The following LRP1B variants were observed in gnomAD, a reference collection of about 807,000 sequenced individuals.
The protein encoded by LRP1B is LDL receptor related protein 1B.
LRP1B carries 217 observed loss-of-function variants against 556.6 expected under a neutral mutation model. The ratio of observed to expected loss-of-function variants is 0.39; its 90% CI spans 0.35 to 0.44. LRP1B has a LOEUF of 0.44. Among genes scored for constraint, LRP1B ranks in the 20% least tolerant of loss-of-function variants. LRP1B has a pLI of 1.00. For missense variants in LRP1B, 5,053 were observed against 5,620.8 expected (o/e 0.90, Z 3.23); for synonymous variants, 2,047 against 1,865.8 (o/e 1.10, Z -2.50).
intron 20 of LRP1B, among the ~76,000 whole-genome samples, chr2:140,938,297 A>G (rs1695291098): frequency 6.6e-6 from 1 of 152,060 alleles, no homozygotes; most frequent in South Asian, 2.1e-4. Flanking sequence ...AACTATCACA[A>G]TGAAAAAGTC....
intron 32 of LRP1B, among the ~76,000 whole-genome samples, chr2:140,811,062 T>C (rs896558703): frequency 2.0e-5 from 3 of 152,102 alleles, no homozygotes; most frequent in African/African-American, 4.8e-5. Flanking sequence ...TTTTGTTTTT[T>C]GTTTTTTTAT....
In LRP1B at chr2:140,319,245, T is replaced by C. The variant is rs183941604; in HGVS notation, c.12640+2718A>G. Among the ~76,000 whole-genome samples, 39 of 152,192 alleles carry C rather than the reference T, an allele frequency of 2.6e-4. No homozygotes were observed. The East Asian group carries it at 4.8e-3, about 19-fold the overall frequency. ...AGAGGAAAGGAAAACCACCAAAAAC[T>C]GTCTGAAACTTGACTCTAAACAATA... On this transcript the variant is annotated intron_variant, in intron 82 of 90. Transcript: ENST00000389484.
At chr2:142,000,910 T>C (rs765205875) in intron 1 of LRP1B, among the ~76,000 whole-genome samples, 9 of 152,156 alleles carry the variant, frequency 5.9e-5, no homozygotes, top group Admixed American at 1.3e-4. Context: ...AAATCTCATG[T>C]TGAATTGTAG....
intron 2 of LRP1B, among the ~76,000 whole-genome samples, chr2:141,484,123 T>C (rs1683027097): frequency 6.6e-6 from 1 of 151,674 alleles, no homozygotes; most frequent in Non-Finnish European, 1.5e-5. Context: ...TTAATCCATC[T>C]TGAATTAATT....
intron 1 of LRP1B, among the ~76,000 whole-genome samples, chr2:142,114,482 G>A (rs1707113260): frequency 6.6e-6 from 1 of 152,056 alleles, no homozygotes; most frequent in African/African-American, 2.4e-5. Flanking sequence ...TTTTATTGCA[G>A]CACTATTCAT....
chr2:140,379,075 C>G (rs1683360965), intron 67 of LRP1B, among the ~76,000 whole-genome samples: 1 of 152,148 alleles, frequency 6.6e-6, no homozygotes, highest in Non-Finnish European at 1.5e-5. Flanking sequence ...TGCAAGTAAT[C>G]AATATGACTG....
At chr2:140,548,682 G>A (rs35100968) in intron 43 of LRP1B, among the ~76,000 whole-genome samples, 2 of 152,062 alleles carry the variant, frequency 1.3e-5, no homozygotes, top group Non-Finnish European at 2.9e-5. Flanking sequence ...AAGCATTTTA[G>A]GAGGCCAAGG....
chr2:140,618,198 G>T (rs1245944962), intron 41 of LRP1B, among the ~76,000 whole-genome samples: 2 of 151,570 alleles, frequency 1.3e-5, no homozygotes, highest in Non-Finnish European at 2.9e-5. Flanking sequence ...AACACACTTT[G>T]CTTAAAAAAT....
At chr2:140,504,627 A>C (rs751936629) in intron 53 of LRP1B, among the ~76,000 whole-genome samples, 2 of 152,216 alleles carry the variant, frequency 1.3e-5, no homozygotes, top group South Asian at 4.1e-4. Flanking sequence ...TCTTTATTAC[A>C]TCTCACATCT....
At chr2:141,363,440 T>C (rs1408635361) in intron 3 of LRP1B, among the ~76,000 whole-genome samples, 1 of 152,162 alleles carries the variant, frequency 6.6e-6, no homozygotes, top group Non-Finnish European at 1.5e-5. Context: ...AACATTCTGT[T>C]CCTGTGTTTT....
At chr2:141,875,765 C>T (rs765813755) in intron 1 of LRP1B, among the ~76,000 whole-genome samples, 5 of 151,818 alleles carry the variant, frequency 3.3e-5, no homozygotes, top group Non-Finnish European at 5.9e-5. Flanking sequence ...TTTCTAAAAA[C>T]TAAGATTGTG....
chr2:141,102,263 A>T (rs901450774), intron 7 of LRP1B, among the ~76,000 whole-genome samples: 2 of 152,116 alleles, frequency 1.3e-5, no homozygotes, highest in Non-Finnish European at 2.9e-5. Context: ...TATAATGATA[A>T]TCATGACCAT....
At chr2:142,060,514 T>G (rs192018284) in intron 1 of LRP1B, among the ~76,000 whole-genome samples, 36 of 152,182 alleles carry the variant, frequency 2.4e-4, no homozygotes, top group Non-Finnish European at 3.4e-4. Context: ...GTCAAAGATG[T>G]TTAAGACCTG....
chr2:141,237,244 A>G (rs1055365032), intron 5 of LRP1B, among the ~76,000 whole-genome samples: 1 of 152,236 alleles, frequency 6.6e-6, no homozygotes, highest in Admixed American at 6.5e-5. Context: ...AGAAACAGTA[A>G]GAGAAGAAAG....
intron 2 of LRP1B, among the ~76,000 whole-genome samples, chr2:141,532,980 C>T (rs1279840194): frequency 6.6e-6 from 1 of 151,960 alleles, no homozygotes; most frequent in Non-Finnish European, 1.5e-5. Flanking sequence ...AACAAGACTC[C>T]ATCTCAAAAA....
At chr2:140,511,402 C>G (rs957052827) in intron 51 of LRP1B, among the ~76,000 whole-genome samples, 2 of 147,288 alleles carry the variant, frequency 1.4e-5, no homozygotes, top group Non-Finnish European at 3.0e-5. Flanking sequence ...CCCGGGTTCA[C>G]GCCATTCTCC....
intron 49 of LRP1B, among the ~76,000 whole-genome samples, chr2:140,519,872 T>G (rs984590239): frequency 6.6e-6 from 1 of 152,132 alleles, no homozygotes; most frequent in African/African-American, 2.4e-5. Flanking sequence ...ATGCTCATCA[T>G]CCACTGGTCA....
intron 35 of LRP1B, among the ~76,000 whole-genome samples, chr2:140,718,548 C>T (rs1192061474): frequency 6.6e-6 from 1 of 151,852 alleles, no homozygotes; most frequent in Non-Finnish European, 1.5e-5. Flanking sequence ...TCTTGCTTTG[C>T]CGCTTAGAAA....
intron 37 of LRP1B, among the ~76,000 whole-genome samples, chr2:140,710,760 T>C (rs1292203464): frequency 6.6e-6 from 1 of 151,982 alleles, no homozygotes; most frequent in Non-Finnish European, 1.5e-5. Flanking sequence ...AGAAGGCAAA[T>C]GGTATAAAAC....
Sources: allele counts gnomAD v4.1 joint callset (sites outside exome capture counted in the v4.1 genomes callset), GRCh38; gene constraint gnomAD v4.1.1; transcripts MANE v1.5; gene names NCBI Gene and HGNC (gene_info 2026-07-23, HGNC 2026-07-21).